Variants in SNX18 observed in about 807,000 individuals in gnomAD.
The protein encoded by SNX18 is sorting nexin 18.
Under a neutral mutation model 48.7 loss-of-function variants are expected in SNX18, and 35 were observed. That is an observed-to-expected ratio of 0.72 (90% CI 0.55 to 0.95). The LOEUF is 0.95. Among genes scored for constraint, SNX18 ranks in the 40% least tolerant of loss-of-function variants. SNX18 has a pLI of 0.00. For synonymous variants in SNX18, 492 were observed against 384.7 expected, an observed-to-expected ratio of 1.28 and a Z score of -3.26; for missense variants, 824 against 871.0, an observed-to-expected ratio of 0.95 and a Z score of 0.68.
the SNX18 span, among the ~76,000 whole-genome samples, chr5:54,597,750 G>A: frequency 6.6e-6 from 1 of 152,108 alleles, no homozygotes; most frequent in Non-Finnish European, 1.5e-5. Flanking sequence ...TGTTAAGAGG[G>A]AGATTTATAG....
chr5:54,524,279 C>G (rs1384782085), intron 1 of SNX18, among the ~76,000 whole-genome samples: 1 of 152,124 alleles, frequency 6.6e-6, no homozygotes, highest in African/African-American at 2.4e-5. Context: ...GTGTGGGCAC[C>G]GCTCATACCA....
chr5:54,552,383 C>T, the SNX18 span, among the ~76,000 whole-genome samples: 1 of 152,198 alleles, frequency 6.6e-6, no homozygotes, highest in East Asian at 1.9e-4. Context: ...CCATCAGAGC[C>T]TTTGGATTCT....
intron 1 of SNX18, among the ~76,000 whole-genome samples, chr5:54,521,804 G>A (rs1762038081): frequency 6.6e-6 from 1 of 152,150 alleles, no homozygotes; most frequent in Admixed American, 6.5e-5. Context: ...TTGGGCTCAA[G>A]CAATCCTTCC....
At chr5:54,635,591 C>T in the SNX18 span, among the ~76,000 whole-genome samples, 1 of 152,162 alleles carries the variant, frequency 6.6e-6, no homozygotes, top group East Asian at 1.9e-4. Context: ...CAATCAATTG[C>T]CCCATTGATT....
At chr5:54,519,896 A>G (rs2112834962) in intron 1 of SNX18, 3 of 1,399,694 alleles carry the variant, frequency 2.1e-6, no homozygotes, top group Non-Finnish European at 2.9e-6. Flanking sequence ...ACGAGGGTAG[A>G]ATTAGAAGGG....
the SNX18 span, among the ~76,000 whole-genome samples, chr5:54,584,737 G>A: frequency 6.6e-6 from 1 of 152,192 alleles, no homozygotes; most frequent in Non-Finnish European, 1.5e-5. Context: ...ATTGGGGTTT[G>A]TGTGTGTATT....
At chr5:54,641,145 A>T in the SNX18 span, among the ~76,000 whole-genome samples, 2 of 151,904 alleles carry the variant, frequency 1.3e-5, no homozygotes, top group African/African-American at 4.8e-5. Flanking sequence ...TTTTCTTGAG[A>T]CTCACCCAGG....
the SNX18 span, among the ~76,000 whole-genome samples, chr5:54,575,368 C>CT: frequency 0.012 from 1,395 of 111,702 alleles, 18 homozygotes; most frequent in Non-Finnish European, 0.016. Context: ...CTCCCCACTG[C>CT]TTTTTTTTTT....
the SNX18 span, among the ~76,000 whole-genome samples, chr5:54,593,548 C>G: frequency 6.6e-6 from 1 of 152,136 alleles, no homozygotes; most frequent in Non-Finnish European, 1.5e-5. Flanking sequence ...TGATCATGTT[C>G]TAAAGTGTAT....
At chr5:54,614,495 A>T in the SNX18 span, among the ~76,000 whole-genome samples, 1 of 152,194 alleles carries the variant, frequency 6.6e-6, no homozygotes, top group African/African-American at 2.4e-5. Flanking sequence ...AGAATTCATA[A>T]GCAAGGAAAA....
Position 54,517,908 on chromosome 5 carries a change from C to T in SNX18, c.-45C>T, listed in dbSNP as rs745376945. 6.1e-6 allele frequency: 9 copies of T among 1,467,182 alleles called. No homozygotes were observed. Among genetic ancestry groups the T allele is most frequent in the Non-Finnish European group, 7.2e-6 (8 of 1,115,848 alleles). 90.9% of individuals were successfully genotyped at this position (1,467,182 alleles called of 1,614,324 possible). ...CGCGGGCCCCTCAGGTGGGCCTCGG[C>T]TCGGGACGCCGGGAGTCGGGACCGC... is the stretch of plus-strand genomic sequence containing the variant. On this transcript the variant is annotated 5_prime_UTR_variant, in exon 1 of 2. Transcript: ENST00000381410.
chr5:54,594,078 C>A, the SNX18 span, among the ~76,000 whole-genome samples: 107,211 of 152,104 alleles, frequency 0.7, 38,675 homozygotes, highest in South Asian at 0.79. Flanking sequence ...ACAAAGCAAC[C>A]CTACTCAGCA....
the SNX18 span, among the ~76,000 whole-genome samples, chr5:54,610,169 A>G: frequency 6.6e-6 from 1 of 152,280 alleles, no homozygotes; most frequent in South Asian, 2.1e-4. Flanking sequence ...ACCCAGTCTC[A>G]GGTATTTCCT....
downstream of SNX18, among the ~76,000 whole-genome samples, chr5:54,548,241 G>A (rs1348480115): frequency 6.6e-6 from 1 of 152,204 alleles, no homozygotes; most frequent in Non-Finnish European, 1.5e-5. Context: ...CCAAAGGCAA[G>A]ACCAATTGTC....
the SNX18 span, among the ~76,000 whole-genome samples, chr5:54,585,341 C>T: frequency 3.3e-5 from 5 of 151,166 alleles, no homozygotes; most frequent in Admixed American, 2.0e-4. Context: ...GTACATATCC[C>T]GACAAACTCC....
At chr5:54,559,880 A>C in the SNX18 span, among the ~76,000 whole-genome samples, 2 of 152,214 alleles carry the variant, frequency 1.3e-5, no homozygotes, top group African/African-American at 4.8e-5. Context: ...AAATAACCCC[A>C]TGAAAAAGTG....
At chr5:54,603,510 T>C in the SNX18 span, among the ~76,000 whole-genome samples, 2 of 152,180 alleles carry the variant, frequency 1.3e-5, no homozygotes, top group African/African-American at 4.8e-5. Flanking sequence ...GGTTATGTTT[T>C]AGTCAAACCC....
At chr5:54,632,469 G>C in the SNX18 span, among the ~76,000 whole-genome samples, 17 of 152,174 alleles carry the variant, frequency 1.1e-4, no homozygotes, top group Non-Finnish European at 1.3e-4. Flanking sequence ...TGGTGGCCTG[G>C]ACACAGTCAA....
chr5:54,640,933 G>A, the SNX18 span, among the ~76,000 whole-genome samples: 10 of 152,158 alleles, frequency 6.6e-5, no homozygotes, highest in African/African-American at 1.2e-4. Context: ...GGTGGCACAT[G>A]CCTGTAGTCC....
Sources: allele counts gnomAD v4.1 joint callset (sites outside exome capture counted in the v4.1 genomes callset), GRCh38; gene constraint gnomAD v4.1.1; transcripts MANE v1.5; gene names NCBI Gene and HGNC (gene_info 2026-07-23, HGNC 2026-07-21).